Variants in EXPH5 observed in about 807,000 individuals in gnomAD.
EXPH5 encodes exophilin-5.
In EXPH5, 42 loss-of-function variants were observed where a neutral mutation model predicts 41.1. The observed-to-expected ratio is 1.02, with a 90% CI of 0.80 to 1.32. The LOEUF (loss-of-function observed/expected upper bound fraction) is 1.32, where lower values mean the gene tolerates loss of function less well. Among genes scored for constraint, EXPH5 ranks in the 40% most tolerant of loss-of-function variants. The pLI, the probability that EXPH5 is intolerant of heterozygous loss-of-function variation, is 0.00. For missense variants in EXPH5, 2,298 were observed against 2,314.5 expected, an observed-to-expected ratio of 0.99 and a Z score of 0.15; for synonymous variants, 798 against 833.5, an observed-to-expected ratio of 0.96 and a Z score of 0.73.
chr11:108,580,447 C>T (rs898522447), intron 1 of EXPH5, among the ~76,000 whole-genome samples: 2 of 152,026 alleles, frequency 1.3e-5, no homozygotes, highest in Admixed American at 1.3e-4. Context: ...AACTCTTATA[C>T]ACTGTTGGTG....
chr11:108,573,620 C>T (rs1227957944), intron 1 of EXPH5, among the ~76,000 whole-genome samples: 2 of 152,038 alleles, frequency 1.3e-5, no homozygotes, highest in African/African-American at 4.8e-5. Context: ...TCAAGGGCCT[C>T]AGAAGGAGAT....
intron 3 of EXPH5, among the ~76,000 whole-genome samples, chr11:108,532,339 G>GATATATATATATATATATATATATATAT (rs761444200): frequency 8.5e-5 from 2 of 23,424 alleles, no homozygotes; most frequent in African/African-American, 1.9e-4. Context: ...CACCACACTG[G>GATATATATATATATATATATATATATAT]ATATATATAT....
chr11:108,556,315 G>A (rs2093989715), intron 1 of EXPH5, among the ~76,000 whole-genome samples: 1 of 151,706 alleles, frequency 6.6e-6, no homozygotes, highest in Admixed American at 6.6e-5. Context: ...AAGCTGGACT[G>A]TTTGGGGATT....
the EXPH5 span, among the ~76,000 whole-genome samples, chr11:108,603,423 G>T: frequency 6.6e-6 from 1 of 152,212 alleles, no homozygotes; most frequent in African/African-American, 2.4e-5. Context: ...ATGGTGGCTT[G>T]TATCTGTAAT....
intron 1 of EXPH5, among the ~76,000 whole-genome samples, chr11:108,566,991 A>G (rs977857245): frequency 6.6e-6 from 1 of 152,208 alleles, no homozygotes; most frequent in South Asian, 2.1e-4. Flanking sequence ...CACAGATTTA[A>G]CTTCTATTTT....
chr11:108,511,389 T>G lies in EXPH5; in HGVS notation c.4118A>C (p.Lys1373Thr). 1 of 1,590,592 alleles carries G rather than the reference T, an allele frequency of 6.3e-7. No homozygotes were observed. Among genetic ancestry groups the G allele is most frequent in the Non-Finnish European group, 8.5e-7 (1 of 1,171,598 alleles). The change falls in exon 6 of 6, where the codon AAA becomes ACA. Residue 1373 changes from lysine (K) to threonine (T), a missense_variant. Lys to Thr is a moderately conservative substitution (Grantham distance 78). Transcript: ENST00000265843. ...AREIFSDNLAKTPLGDSENKK... is the reference protein window; with the variant it reads ...AREIFSDNLATTPLGDSENKK... ...GTTTTCTGAATCACCTAGAGGTGTT[T>G]TAGCTAAATTATCTGAAAAAATCTC...
chr11:108,594,961 A>G (rs1485785480), upstream of EXPH5, among the ~76,000 whole-genome samples: 2 of 152,260 alleles, frequency 1.3e-5, no homozygotes, highest in East Asian at 1.9e-4. Flanking sequence ...TTGTTCACCC[A>G]TGGTGTACAC....
intron 4 of EXPH5, among the ~76,000 whole-genome samples, chr11:108,519,298 T>C (rs1272561480): frequency 6.6e-6 from 1 of 152,070 alleles, no homozygotes; most frequent in Non-Finnish European, 1.5e-5. Flanking sequence ...ATTACACAGA[T>C]CTTAGTGGGG....
chr11:108,597,848 A>G (rs2094140886), upstream of EXPH5, among the ~76,000 whole-genome samples: 1 of 152,218 alleles, frequency 6.6e-6, no homozygotes, highest in African/African-American at 2.4e-5. Context: ...AACCACAAAA[A>G]CTATTAGAAC....
At chr11:108,532,364 ATATTTTTTTTTTTTT>A (rs1430196838) in intron 3 of EXPH5, among the ~76,000 whole-genome samples, 3 of 21,600 alleles carry the variant, frequency 1.4e-4, no homozygotes, top group African/African-American at 3.5e-4. Flanking sequence ...ATATATATAT[ATATTTTTTTTTTTTT>A]TTTTTTTTTT....
At chr11:108,584,425 C>T (rs1322052766) in intron 1 of EXPH5, among the ~76,000 whole-genome samples, 2 of 151,904 alleles carry the variant, frequency 1.3e-5, no homozygotes, top group South Asian at 2.1e-4. Flanking sequence ...TTGCATTGAG[C>T]CAAGATTGTG....
chr11:108,521,726 A>T (rs75760150), intron 4 of EXPH5, among the ~76,000 whole-genome samples: 3,769 of 152,286 alleles, frequency 0.025, 146 homozygotes, highest in African/African-American at 0.083. Context: ...TGATAATAAC[A>T]ATTAGTTACA....
At chr11:108,607,116 A>G in the EXPH5 span, among the ~76,000 whole-genome samples, 1 of 152,186 alleles carries the variant, frequency 6.6e-6, no homozygotes, top group Non-Finnish European at 1.5e-5. Flanking sequence ...AAAAATCACT[A>G]ATGAAAATAT....
chr11:108,577,719 G>A (rs1333570136), intron 1 of EXPH5, among the ~76,000 whole-genome samples: 1 of 151,982 alleles, frequency 6.6e-6, no homozygotes, highest in Admixed American at 6.6e-5. Flanking sequence ...CACTGCGCCT[G>A]GCCAGATAAT....
At chr11:108,534,043 C>T (rs1259870115) in intron 3 of EXPH5, among the ~76,000 whole-genome samples, 1 of 152,194 alleles carries the variant, frequency 6.6e-6, no homozygotes, top group Non-Finnish European at 1.5e-5. Flanking sequence ...GAGTCTCCCG[C>T]CTCAGCCTCC....
In EXPH5 at chr11:108,512,806, G is replaced by A. The variant is rs139312157; in HGVS notation, c.2701C>T (p.Pro901Ser). The change falls in exon 6 of 6, where the codon CCA (proline) becomes TCA (serine). Residue 901 changes from proline (P) to serine (S), a missense_variant. Pro to Ser is a moderately conservative substitution (Grantham distance 74). Transcript: ENST00000265843. Reference sequence around the variant, plus strand: ...CTCCTGGAGAACACTGTAGTAGATGGAACCACAGGAGCATCAAGGGAAGAA... The same window carrying A: ...CTCCTGGAGAACACTGTAGTAGATGAAACCACAGGAGCATCAAGGGAAGAA... ...KNSSLDAPVV[P>S]STTVFSRRSP... 1 of 1,614,134 alleles carries A rather than the reference G, an allele frequency of 6.2e-7. No homozygotes were observed. The highest frequency in any genetic ancestry group is 1.1e-5 in the South Asian group (1 of 91,074).
chr11:108,550,784 AT>A (rs2093960476), intron 1 of EXPH5, among the ~76,000 whole-genome samples: 1 of 152,000 alleles, frequency 6.6e-6, no homozygotes, highest in Non-Finnish European at 1.5e-5. Context: ...GTCTCAAAAA[AT>A]AAATAAATAA....
rs11312188 is a variant in EXPH5 at position 108,533,209 on chromosome 11, A to AT, written c.444-5026dup. Among the ~76,000 whole-genome samples, 808 of 146,934 alleles carry AT rather than the reference A, an allele frequency of 5.5e-3. 8 individuals carry two copies. Among genetic ancestry groups the AT allele is most frequent in the African/African-American group, 0.019 (756 of 40,434 alleles). ...TTAGGTTCTCATGAGTCTACATTCTATTTTTTTTTTTGGAGATGGAGTCTT... is the reference window on the plus strand; with the variant it reads ...TTAGGTTCTCATGAGTCTACATTCTATTTTTTTTTTTTGGAGATGGAGTCTT... On this transcript the variant is annotated intron_variant, in intron 3 of 5. Transcript: ENST00000265843.
At position 108,593,604 on chromosome 11, in the gene EXPH5, C is replaced by G; in HGVS notation, c.-68G>C. Reference sequence around the variant, plus strand: ...TCCTGTTAGGAAGGCATTTTTCAACCTGTACAAGACCAGTTTCACGAACTT... The same window carrying G: ...TCCTGTTAGGAAGGCATTTTTCAACGTGTACAAGACCAGTTTCACGAACTT... On this transcript the variant is annotated 5_prime_UTR_variant, in exon 1 of 6. Transcript: ENST00000265843. 1 of 1,611,488 alleles carries G rather than the reference C, an allele frequency of 6.2e-7. No individual in the cohort carries two copies. The highest frequency in any genetic ancestry group is 8.5e-7 in the Non-Finnish European group (1 of 1,178,834).
Sources: gnomAD v4.1 joint callset for allele counts (sites outside exome capture counted in the v4.1 genomes callset) on GRCh38, gnomAD v4.1.1 for gene constraint, MANE v1.5 for transcripts, NCBI Gene and HGNC (gene_info 2026-07-23, HGNC 2026-07-21) for gene names.